The following DTNB variants were observed in gnomAD, a reference collection of about 807,000 sequenced individuals.
DTNB encodes the protein dystrobrevin beta, also known as DTN-B.
A neutral mutation model predicts 90.7 loss-of-function variants in DTNB; 63 were observed. The ratio of observed to expected loss-of-function variants is 0.69; its 90% CI spans 0.57 to 0.86. The LOEUF is 0.86. DTNB is among the 40% of genes least tolerant of loss of function. The pLI, the probability that DTNB is intolerant of heterozygous loss-of-function variation, is 0.00. For synonymous variants in DTNB, 277 were observed against 286.7 expected, an observed-to-expected ratio of 0.97 and a Z score of 0.34; for missense variants, 744 against 807.1, an observed-to-expected ratio of 0.92 and a Z score of 0.95.
chr2:25,418,041 G>C (rs1302653328), intron 16 of DTNB, among the ~76,000 whole-genome samples: 1 of 152,174 alleles, frequency 6.6e-6, no homozygotes. Context: ...TTTGCATCCT[G>C]TTCAGCTTTG....
intron 16 of DTNB, among the ~76,000 whole-genome samples, chr2:25,404,752 G>A (rs1413011992): frequency 6.6e-6 from 1 of 152,136 alleles, no homozygotes; most frequent in African/African-American, 2.4e-5. Context: ...CTACTCGGGA[G>A]GCTGAGGCAG....
intron 8 of DTNB, among the ~76,000 whole-genome samples, chr2:25,559,199 A>G (rs749061221): frequency 3.3e-5 from 5 of 152,006 alleles, no homozygotes; most frequent in Admixed American, 6.6e-5. Context: ...CGCGACCCCA[A>G]TCCTCAACTC....
intron 15 of DTNB, among the ~76,000 whole-genome samples, chr2:25,427,122 G>A (rs889457712): frequency 6.6e-6 from 1 of 151,450 alleles, no homozygotes; most frequent in African/African-American, 2.4e-5. Context: ...AGGTTCCAGT[G>A]AGCCAACATT....
intron 12 of DTNB, among the ~76,000 whole-genome samples, chr2:25,447,499 CTTTTTTT>C (rs34508984): frequency 8.6e-6 from 1 of 116,028 alleles, no homozygotes; most frequent in East Asian, 2.3e-4. Context: ...AGCTAGTTAT[CTTTTTTT>C]TTTTTTTTTT....
At chr2:25,496,981 C>G (rs1051042465) in intron 9 of DTNB, among the ~76,000 whole-genome samples, 1 of 152,072 alleles carries the variant, frequency 6.6e-6, no homozygotes, top group African/African-American at 2.4e-5. Flanking sequence ...AATATAAAGG[C>G]GAAGAATAAC....
intron 8 of DTNB, among the ~76,000 whole-genome samples, chr2:25,536,369 T>C (rs998414811): frequency 6.6e-6 from 1 of 151,708 alleles, no homozygotes; most frequent in Non-Finnish European, 1.5e-5. Context: ...GAGGTGGAGG[T>C]TGTAGCGAGC....
At chr2:25,405,975 A>G (rs532919762) in intron 16 of DTNB, among the ~76,000 whole-genome samples, 2 of 152,308 alleles carry the variant, frequency 1.3e-5, no homozygotes, top group South Asian at 4.1e-4. Context: ...AGGAATAGAA[A>G]GAGGGAGAGC....
At chr2:25,491,681 A>G (rs187709301) in intron 9 of DTNB, among the ~76,000 whole-genome samples, 2 of 151,644 alleles carry the variant, frequency 1.3e-5, no homozygotes, top group East Asian at 3.9e-4. Context: ...TTTCTACTTA[A>G]CTCTATTAAT....
At chr2:25,565,338 G>C (rs1250567759) in intron 8 of DTNB, among the ~76,000 whole-genome samples, 1 of 152,160 alleles carries the variant, frequency 6.6e-6, no homozygotes, top group African/African-American at 2.4e-5. Flanking sequence ...CCAGGCTCAA[G>C]TGATCCTCCC....
At position 25,619,766 on chromosome 2, in the gene DTNB, G is replaced by C. The variant is rs184532635; in HGVS notation, c.362+8405C>G. 2.2e-3 allele frequency among the ~76,000 whole-genome samples: 334 copies of C among 152,320 alleles called. 1 individual carries two copies. Among genetic ancestry groups the C allele is most frequent in the Middle Eastern group, 3.4e-3 (1 of 294 alleles). Reference sequence around the variant, plus strand: ...AGGTAAAAACTTGGGTTGAGGCCGGGTGCAGTGGCTCAAGCCTGTAATCCT... The same window carrying C: ...AGGTAAAAACTTGGGTTGAGGCCGGCTGCAGTGGCTCAAGCCTGTAATCCT... On this transcript the variant is annotated intron_variant, in intron 4 of 20. Coordinates refer to ENST00000406818, the MANE Select transcript of DTNB (RefSeq NM_021907.5).
chr2:25,438,231 G>A (rs773284107), intron 12 of DTNB, among the ~76,000 whole-genome samples: 5 of 152,260 alleles, frequency 3.3e-5, no homozygotes, highest in Admixed American at 6.5e-5. Context: ...GCTTCCCTGG[G>A]CCACACTGGA....
chr2:25,498,449 A>G (rs941746635), intron 9 of DTNB, among the ~76,000 whole-genome samples: 1 of 152,202 alleles, frequency 6.6e-6, no homozygotes, highest in Admixed American at 6.5e-5. Context: ...TAAAAACAAA[A>G]TAACAGTGGG....
chr2:25,493,863 C>T (rs1013257987), intron 9 of DTNB, among the ~76,000 whole-genome samples: 2 of 152,148 alleles, frequency 1.3e-5, no homozygotes, highest in Non-Finnish European at 2.9e-5. Flanking sequence ...TAAGCTTTAG[C>T]TTAACATATT....
chr2:25,528,818 A>G (rs2077624064), intron 9 of DTNB, among the ~76,000 whole-genome samples: 1 of 152,224 alleles, frequency 6.6e-6, no homozygotes, highest in Non-Finnish European at 1.5e-5. Context: ...ACAAATGTCA[A>G]GTGACATGAG....
intron 9 of DTNB, among the ~76,000 whole-genome samples, chr2:25,497,864 T>C (rs1349967384): frequency 6.6e-6 from 1 of 152,208 alleles, no homozygotes; most frequent in Non-Finnish European, 1.5e-5. Context: ...TACTTAAATA[T>C]TCTAGGTTTT....
intron 19 of DTNB, among the ~76,000 whole-genome samples, chr2:25,381,206 T>G (rs1299916907): frequency 2.0e-4 from 30 of 151,704 alleles, no homozygotes; most frequent in Non-Finnish European, 4.4e-5. Flanking sequence ...CATGTGCGTG[T>G]GCGTGTGTGT....
intron 10 of DTNB, among the ~76,000 whole-genome samples, chr2:25,458,629 C>T (rs182734585): frequency 3.3e-5 from 5 of 151,550 alleles, no homozygotes; most frequent in East Asian, 3.9e-4. Context: ...CCCCCACACC[C>T]GGCTAATATT....
In DTNB at chr2:25,414,475, C is replaced by T. The variant is rs548737074; in HGVS notation, c.1575+5040G>A. ...TTCACCGTGTTAGCCAGGATGGTCT[C>T]GATCTCCTGACCTCGTGATTCACCT... is the stretch of plus-strand genomic sequence containing the variant. On this transcript the variant is annotated intron_variant, in intron 16 of 20. Coordinates refer to ENST00000406818, the MANE Select transcript of DTNB (RefSeq NM_021907.5). 4.6e-5 allele frequency among the ~76,000 whole-genome samples: 7 copies of T among 152,210 alleles called. No individual in the cohort carries two copies. The South Asian group carries it at 1.2e-3, about 27-fold the overall frequency.
chr2:25,400,447 G>A (rs991756003), intron 16 of DTNB, among the ~76,000 whole-genome samples: 2 of 152,236 alleles, frequency 1.3e-5, no homozygotes, highest in African/African-American at 4.8e-5. Context: ...TAGAATACGC[G>A]GCACAGTGGG....
Sources: allele counts gnomAD v4.1 joint callset (sites outside exome capture counted in the v4.1 genomes callset), GRCh38; gene constraint gnomAD v4.1.1; transcripts MANE v1.5; gene names NCBI Gene and HGNC (gene_info 2026-07-23, HGNC 2026-07-21).